Variants in PARD3B observed in about 807,000 individuals in gnomAD.
The protein encoded by PARD3B is par-3 family cell polarity regulator beta, also known as partitioning defective 3 homolog B.
PARD3B carries 103 observed loss-of-function variants against 130.2 expected under a neutral mutation model. The ratio of observed to expected loss-of-function variants is 0.79; its 90% CI spans 0.67 to 0.93. The LOEUF is 0.93. Ranked by LOEUF, PARD3B falls within the 40% of genes least tolerant of loss-of-function variation. The pLI is 0.00. For missense variants in PARD3B, 1,609 were observed against 1,499.2 expected, an observed-to-expected ratio of 1.07 and a Z score of -1.21; for synonymous variants, 583 against 553.2, an observed-to-expected ratio of 1.05 and a Z score of -0.76.
At position 205,142,258 on chromosome 2, in the gene PARD3B, C is replaced by A. The variant is rs987398947; in HGVS notation, c.1435-16464C>A. Among the ~76,000 whole-genome samples the A allele has an allele frequency of 6.6e-6, 1 of 152,004 alleles. No homozygotes were observed. Among genetic ancestry groups the A allele is most frequent in the Admixed American group, 6.5e-5 (1 of 15,272 alleles). On this transcript the variant is annotated intron_variant, in intron 10 of 22. Coordinates refer to ENST00000406610, the MANE Select transcript of PARD3B (RefSeq NM_001302769.2). This position sits in a 1 kb window ranked among gnomAD's most constrained non-coding sequence, Gnocchi z 4.3. ...AGCATAAGTTTTAGGTGGAGAGAAT[C>A]CCATTTAAATAGTTAAAGAAGGTAT...
intron 4 of PARD3B, among the ~76,000 whole-genome samples, chr2:205,071,495 T>G (rs1700727347): frequency 6.6e-6 from 1 of 152,192 alleles, no homozygotes. Flanking sequence ...CTATAATTGT[T>G]TTATCACTGA....
At chr2:204,584,811 C>T (rs1426121109) in intron 1 of PARD3B, among the ~76,000 whole-genome samples, 1 of 152,166 alleles carries the variant, frequency 6.6e-6, no homozygotes, top group African/African-American at 2.4e-5. Context: ...ACTCTTAGCT[C>T]AGGGCCCAGA....
intron 1 of PARD3B, among the ~76,000 whole-genome samples, chr2:204,574,988 T>C (rs1021474269): frequency 6.6e-6 from 1 of 151,714 alleles, no homozygotes; most frequent in African/African-American, 2.4e-5. Flanking sequence ...ATGACTCTGC[T>C]TTAGTTATGG....
rs138729966 is a variant in PARD3B at position 205,363,914 on chromosome 2, G to T, written c.2631-37099G>T. On this transcript the variant is annotated intron_variant, in intron 18 of 22. Transcript: ENST00000406610. ...ACTCCTGACCTCAAGTGATCCACCC[G>T]CCTCGGCCTCCCAAAGTGCTAAGAT... 7.8e-3 allele frequency among the ~76,000 whole-genome samples: 965 copies of T among 123,270 alleles called. 6 individuals carry two copies. Among genetic ancestry groups the T allele is most frequent in the African/African-American group, 0.03 (925 of 30,518 alleles). 80.9% of individuals were successfully genotyped at this position (123,270 alleles called of 152,430 possible). A position where few individuals can be genotyped will look rare whatever the true frequency, so the allele number is the denominator to read the frequency against.
At position 205,301,517 on chromosome 2, in the gene PARD3B, T is replaced by A. The variant is rs1295275682; in HGVS notation, c.2446T>A (p.Ser816Thr). ...TGGCCAAGGAGCTCTGAATTGTGAG[T>A]CTGCCCCTCAGGGGAATTCGGAGCT... ...HSGQGALNCE[S>T]APQGNSELED... Residue 816 changes from serine to threonine, a missense_variant, in exon 18 of 23, where the codon TCT (serine) becomes ACT (threonine). Ser to Thr is a moderately conservative substitution (Grantham distance 58). Transcript: ENST00000406610. The surrounding 1 kb of genome is among the most constrained non-coding windows in gnomAD (Gnocchi z 5.2). 3.1e-6 allele frequency: 5 copies of A among 1,613,686 alleles called. No individual in the cohort carries two copies. In the Admixed American group the frequency reaches 8.3e-5, roughly 27 times the overall value.
At chr2:204,977,547 C>T (rs780974641) in intron 3 of PARD3B, among the ~76,000 whole-genome samples, 19 of 152,016 alleles carry the variant, frequency 1.2e-4, no homozygotes, top group Admixed American at 2.0e-4. Context: ...CGGTGGCTCA[C>T]GCCTGTAATC....
rs114237385 is a variant in PARD3B, at chr2:204,980,805, A to G, written c.394+15482A>G. Among the ~76,000 whole-genome samples the G allele has an allele frequency of 5.0e-3, 757 of 152,318 alleles. 6 individuals carry two copies. The highest frequency in any genetic ancestry group is 0.017 in the African/African-American group (713 of 41,574). On this transcript the variant is annotated intron_variant, in intron 3 of 22. Coordinates refer to ENST00000406610, the MANE Select transcript of PARD3B (RefSeq NM_001302769.2). ...GAAAAACTGTTCCAGACCAGAAGAG[A>G]CTGAGAAGACTTGATGACTAAATAC...
At chr2:204,571,249 A>G (rs1481508546) in intron 1 of PARD3B, among the ~76,000 whole-genome samples, 1 of 152,194 alleles carries the variant, frequency 6.6e-6, no homozygotes, top group Non-Finnish European at 1.5e-5. Context: ...TTCTATGAAT[A>G]TGAACTAGCT....
At position 205,592,925 on chromosome 2, in the gene PARD3B, G is replaced by A. The variant is rs2054439501; in HGVS notation, c.3261-22531G>A. On this transcript the variant is annotated intron_variant, in intron 22 of 22. Coordinates refer to ENST00000406610, the MANE Select transcript of PARD3B (RefSeq NM_001302769.2). This position sits in a 1 kb window ranked among gnomAD's most constrained non-coding sequence, Gnocchi z 4.5. ...CATGGCACTGACTCAGCCTTGAGCA[G>A]AAGCACTGTGTTTTGTCTTTCATCT... Among the ~76,000 whole-genome samples, 1 of 152,282 alleles carries A rather than the reference G, an allele frequency of 6.6e-6. No individual in the cohort carries two copies. Among genetic ancestry groups the A allele is most frequent in the Non-Finnish European group, 1.5e-5 (1 of 68,048 alleles).
intron 16 of PARD3B, among the ~76,000 whole-genome samples, chr2:205,267,565 C>G (rs572136750): frequency 3.9e-5 from 6 of 152,248 alleles, no homozygotes; most frequent in African/African-American, 1.4e-4. Flanking sequence ...GGAAGGCATT[C>G]CAGGCAGCAG....
intron 2 of PARD3B, among the ~76,000 whole-genome samples, chr2:204,904,365 A>G (rs968402219): frequency 1.3e-5 from 2 of 152,164 alleles, no homozygotes; most frequent in Non-Finnish European, 2.9e-5. Context: ...GCATGTTTTT[A>G]AAAAACCTAA....
intron 18 of PARD3B, among the ~76,000 whole-genome samples, chr2:205,399,876 G>A (rs961279274): frequency 6.6e-6 from 1 of 152,092 alleles, no homozygotes; most frequent in Non-Finnish European, 1.5e-5. Flanking sequence ...AGGAAGCTGG[G>A]GCTGCATTAG....
intron 1 of PARD3B, among the ~76,000 whole-genome samples, chr2:204,641,307 T>G (rs2035068489): frequency 6.6e-6 from 1 of 151,538 alleles, no homozygotes; most frequent in South Asian, 2.1e-4. Context: ...ACTCATACAA[T>G]TTAGTGAAAA....
chr2:204,583,592 A>T (rs1400325894), intron 1 of PARD3B, among the ~76,000 whole-genome samples: 1 of 136,426 alleles, frequency 7.3e-6, no homozygotes, highest in Admixed American at 7.4e-5. Context: ...AACCTGCACA[A>T]TGTGCACATG....
chr2:205,238,835 C>CAAAAAA lies in PARD3B; in HGVS notation c.2141-6933_2141-6928dup, dbSNP rs71879579. ...CAACAAAAGCTAAAAAACTCCGTTT[C>CAAAAAA]AAAAAAAAAAAAAAATATATATATA... On this transcript the variant is annotated intron_variant, in intron 15 of 22. Transcript: ENST00000406610. Among the ~76,000 whole-genome samples, 50 of 26,074 alleles carry CAAAAAA rather than the reference C, an allele frequency of 1.9e-3. 1 individual carries two copies. The highest frequency in any genetic ancestry group is 3.8e-3 in the African/African-American group (22 of 5,850). The allele number at this position is 26,074 out of a possible 152,430, so 17.1% of individuals were successfully genotyped here. A position where few individuals can be genotyped will look rare whatever the true frequency, so the allele number is the denominator to read the frequency against.
intron 2 of PARD3B, among the ~76,000 whole-genome samples, chr2:204,752,697 T>C (rs2040511465): frequency 6.6e-6 from 1 of 152,136 alleles, no homozygotes; most frequent in Non-Finnish European, 1.5e-5. Context: ...TTTTATGTCA[T>C]CTCCATCCAT....
At chr2:205,254,755 C>A (rs916054051) in intron 16 of PARD3B, among the ~76,000 whole-genome samples, 7 of 151,432 alleles carry the variant, frequency 4.6e-5, no homozygotes, top group African/African-American at 9.7e-5. Flanking sequence ...GCTCCGCCCC[C>A]CGGGGTTCAC....
chr2:205,006,223 C>G (rs552036496), intron 3 of PARD3B, among the ~76,000 whole-genome samples: 2 of 152,240 alleles, frequency 1.3e-5, no homozygotes, highest in South Asian at 2.1e-4. Flanking sequence ...TCAATGGACA[C>G]TTTAGGTTGG....
intron 1 of PARD3B, among the ~76,000 whole-genome samples, chr2:204,620,336 C>A (rs1263706343): frequency 1.3e-5 from 2 of 152,040 alleles, no homozygotes; most frequent in Non-Finnish European, 2.9e-5. Context: ...GTGTTAGCCA[C>A]CTCACCCGGC....
Sources: gnomAD v4.1 joint callset for allele counts (sites outside exome capture counted in the v4.1 genomes callset) on GRCh38, gnomAD v4.1.1 for gene constraint, Gnocchi (gnomAD v3.1) non-coding constraint, MANE v1.5 for transcripts, NCBI Gene and HGNC (gene_info 2026-07-23, HGNC 2026-07-21) for gene names.